The following CFAP210 variants were observed in gnomAD, a reference collection of about 807,000 sequenced individuals.
CFAP210 encodes the protein cilia- and flagella- associated protein 210.
At chr2:169,656,964 CAAAAAAAAAA>C in the CFAP210 span, among the ~76,000 whole-genome samples, 3 of 40,338 alleles carry the variant, frequency 7.4e-5, no homozygotes, top group African/African-American at 3.6e-4. Context: ...GACTCCATCT[CAAAAAAAAAA>C]AAAAAAAAAA....
the CFAP210 span, among the ~76,000 whole-genome samples, chr2:169,683,713 CAA>C: frequency 6.6e-6 from 1 of 152,206 alleles, no homozygotes; most frequent in Non-Finnish European, 1.5e-5. Flanking sequence ...CTATGCAGTG[CAA>C]AGTGTGATCC....
chr2:169,646,002 C>G, the CFAP210 span: 1 of 1,613,950 alleles, frequency 6.2e-7, no homozygotes, highest in Non-Finnish European at 8.5e-7. Context: ...CCTCCAGGTC[C>G]TTCCTGTACA....
the CFAP210 span, chr2:169,680,978 A>C: frequency 6.4e-7 from 1 of 1,569,922 alleles, no homozygotes; most frequent in Non-Finnish European, 8.8e-7. Flanking sequence ...TCTTCAGTGC[A>C]TGTGTACTCC....
the CFAP210 span, among the ~76,000 whole-genome samples, chr2:169,691,891 A>G: frequency 6.6e-6 from 1 of 152,232 alleles, no homozygotes; most frequent in Admixed American, 6.5e-5. Flanking sequence ...CTTAGTGGTC[A>G]GCTAATAACT....
chr2:169,655,204 C>T, the CFAP210 span, among the ~76,000 whole-genome samples: 2 of 152,128 alleles, frequency 1.3e-5, no homozygotes, highest in Non-Finnish European at 2.9e-5. Context: ...ATGATCACAG[C>T]TCATGAAAGC....
At chr2:169,664,571 C>T in the CFAP210 span, among the ~76,000 whole-genome samples, 1 of 152,160 alleles carries the variant, frequency 6.6e-6, no homozygotes, top group Non-Finnish European at 1.5e-5. Flanking sequence ...CATCTATATG[C>T]CATTAATTTG....
At chr2:169,665,063 A>G in the CFAP210 span, among the ~76,000 whole-genome samples, 1 of 152,176 alleles carries the variant, frequency 6.6e-6, no homozygotes, top group East Asian at 1.9e-4. Flanking sequence ...CTTTGGACAA[A>G]GCAGAGGGAA....
the CFAP210 span, chr2:169,681,384 A>G: frequency 1.9e-5 from 11 of 566,608 alleles, no homozygotes; most frequent in East Asian, 3.5e-5. Context: ...TGATTAAGTG[A>G]AAAAAAAAAT....
the CFAP210 span, chr2:169,662,260 C>A: frequency 6.3e-7 from 1 of 1,587,444 alleles, no homozygotes; most frequent in Admixed American, 2.0e-5. Context: ...CTTTTTGGAA[C>A]TTTTGCCCTT....
At chr2:169,655,588 G>T in the CFAP210 span, among the ~76,000 whole-genome samples, 1 of 122,066 alleles carries the variant, frequency 8.2e-6, no homozygotes, top group African/African-American at 3.1e-5. Context: ...TATTCACAAA[G>T]ACTTTTTATA....
the CFAP210 span, among the ~76,000 whole-genome samples, chr2:169,650,828 G>T: frequency 6.6e-6 from 1 of 151,090 alleles, no homozygotes; most frequent in African/African-American, 2.4e-5. Flanking sequence ...GCCAGGTGTG[G>T]TAGCTCATGC....
At chr2:169,668,094 T>C in the CFAP210 span, among the ~76,000 whole-genome samples, 1 of 152,236 alleles carries the variant, frequency 6.6e-6, no homozygotes, top group Non-Finnish European at 1.5e-5. Context: ...CCTTCATCAA[T>C]GATTTTAGCC....
At chr2:169,654,838 A>C in the CFAP210 span, among the ~76,000 whole-genome samples, 1 of 152,086 alleles carries the variant, frequency 6.6e-6, no homozygotes, top group Non-Finnish European at 1.5e-5. Context: ...TGGTTCAAAA[A>C]CCAAAAATGT....
chr2:169,683,875 A>C, the CFAP210 span, among the ~76,000 whole-genome samples: 2 of 152,232 alleles, frequency 1.3e-5, no homozygotes, highest in African/African-American at 4.8e-5. Flanking sequence ...AAAGAAAAAA[A>C]AAGCCCACAG....
the CFAP210 span, among the ~76,000 whole-genome samples, chr2:169,678,640 C>T: frequency 3.3e-5 from 5 of 152,020 alleles, no homozygotes; most frequent in African/African-American, 7.2e-5. Context: ...GCCTGGCCAA[C>T]ATGATGAAAC....
the CFAP210 span, among the ~76,000 whole-genome samples, chr2:169,676,858 C>T: frequency 6.6e-6 from 1 of 152,088 alleles, no homozygotes; most frequent in Non-Finnish European, 1.5e-5. Context: ...TTTAATAATT[C>T]TACCATAAAA....
the CFAP210 span, among the ~76,000 whole-genome samples, chr2:169,667,135 CTTTTTTCTTT>C: frequency 3.3e-5 from 4 of 120,284 alleles, no homozygotes; most frequent in Non-Finnish European, 7.2e-5. Context: ...CACAAATTTT[CTTTTTTCTTT>C]TTTTTTTTTT....
chr2:169,653,022 AAAAAAAAATATATATATATATATAT>A, the CFAP210 span, among the ~76,000 whole-genome samples: 8 of 57,962 alleles, frequency 1.4e-4, no homozygotes, highest in East Asian at 3.7e-4. Flanking sequence ...AAAAAAAAAA[AAAAAAAAATATATATATATATATAT>A]ATATATATAT....
the CFAP210 span, chr2:169,681,186 G>A: frequency 6.2e-7 from 1 of 1,613,794 alleles, no homozygotes; most frequent in Non-Finnish European, 8.5e-7. Context: ...ACTTTGCTAG[G>A]TAGAAGAGGC....
Sources: gnomAD v4.1 joint callset for allele counts (sites outside exome capture counted in the v4.1 genomes callset) on GRCh38, gnomAD v4.1.1 for gene constraint, MANE v1.5 for transcripts, NCBI Gene and HGNC (gene_info 2026-07-23, HGNC 2026-07-21) for gene names.